NTN4: variants seen among roughly 807,000 people sequenced by gnomAD.
The protein encoded by NTN4 is netrin 4.
NTN4 carries 32 observed loss-of-function variants against 73.6 expected under a neutral mutation model. The observed-to-expected ratio is 0.44, with a 90% confidence interval of 0.33 to 0.58. The LOEUF is 0.58. Among genes scored for constraint, NTN4 ranks in the 20% least tolerant of loss-of-function variants. The pLI, the probability that NTN4 is intolerant of heterozygous loss-of-function variation, is 0.04. For missense variants in NTN4, 654 were observed against 798.3 expected (o/e 0.82, Z 2.18); for synonymous variants, 258 against 287.5 (o/e 0.90, Z 1.04).
intron 2 of NTN4, among the ~76,000 whole-genome samples, chr12:95,772,466 C>A (rs2079064480): frequency 6.6e-6 from 1 of 152,138 alleles, no homozygotes; most frequent in African/African-American, 2.4e-5. Flanking sequence ...CAATCTCATC[C>A]AGCTTCATAG....
At chr12:95,748,263 A>AG (rs1380122887) in intron 2 of NTN4, among the ~76,000 whole-genome samples, 1 of 151,232 alleles carries the variant, frequency 6.6e-6, no homozygotes, top group East Asian at 1.9e-4. Flanking sequence ...AGAAAAGAAA[A>AG]AATAGATTTA....
intron 9 of NTN4, 36 bp downstream of exon 9, chr12:95,665,774 A>C: frequency 6.6e-7 from 1 of 1,526,322 alleles, no homozygotes; most frequent in African/African-American, 1.4e-5. Flanking sequence ...CAGCAGAGAC[A>C]AGGTAGGTAC....
intron 3 of NTN4, among the ~76,000 whole-genome samples, chr12:95,721,730 G>A (rs143446317): frequency 5.3e-5 from 8 of 152,274 alleles, no homozygotes; most frequent in Non-Finnish European, 1.0e-4. Context: ...GTGCATAACC[G>A]AATGATTTAG....
chr12:95,733,650 TTAA>T (rs2078754392), intron 3 of NTN4, among the ~76,000 whole-genome samples: 1 of 152,166 alleles, frequency 6.6e-6, no homozygotes, highest in Admixed American at 6.5e-5. Context: ...TACCAGGGTC[TTAA>T]TCATCACACA....
intron 2 of NTN4, 129 bp from the exon 3 acceptor site, chr12:95,738,273 T>C: frequency 2.2e-6 from 2 of 890,618 alleles, no homozygotes; most frequent in East Asian, 5.0e-5. Context: ...AAGAAGTTTT[T>C]AGACCTTGAG....
intron 2 of NTN4, among the ~76,000 whole-genome samples, chr12:95,750,189 C>A (rs2078895353): frequency 7.3e-6 from 1 of 137,736 alleles, no homozygotes. Flanking sequence ...TGCCCCAACC[C>A]CTTATTTCTG....
rs2078106497 is a variant in NTN4, at chr12:95,658,180, A to T, written c.*906T>A. ...AATTCTGTGTCTACAATAATTTTTG[A>T]AGTGTATACAAGTGCATTGCAAATG... On this transcript the variant is annotated 3_prime_UTR_variant, in exon 10 of 10. Transcript: ENST00000343702. 6.6e-6 allele frequency: 1 copy of T among 152,348 alleles called. No homozygotes were observed. The highest frequency in any genetic ancestry group is 2.1e-4 in the South Asian group (1 of 4,832). 9.4% of individuals were successfully genotyped at this position (152,348 alleles called of 1,614,324 possible). A position where few individuals can be genotyped will look rare whatever the true frequency, so the allele number is the denominator to read the frequency against.
In NTN4 at chr12:95,781,252, T is replaced by G. The variant is rs2079131157; in HGVS notation, c.585+5687A>C. Among the ~76,000 whole-genome samples, 5 of 152,262 alleles carry G rather than the reference T, an allele frequency of 3.3e-5. No individual in the cohort carries two copies. The South Asian group carries it at 1.0e-3, about 32-fold the overall frequency. On this transcript the variant is annotated intron_variant, in intron 2 of 9. Transcript: ENST00000343702. This position sits in a 1 kb window ranked among gnomAD's most constrained non-coding sequence, Gnocchi z 4.1. ...CACCAGCATGGCACATGTATACATA[T>G]GTAACAAACCTGCACGTTGTGCACA... is the stretch of plus-strand genomic sequence containing the variant.
chr12:95,729,628 A>AGTGT (rs1555218211), intron 3 of NTN4, among the ~76,000 whole-genome samples: 1 of 102,192 alleles, frequency 9.8e-6, no homozygotes, highest in Non-Finnish European at 2.1e-5. Flanking sequence ...AGAGAGAGAG[A>AGTGT]GAGAGTGTGT....
At chr12:95,717,280 A>C (rs920698998) in intron 3 of NTN4, among the ~76,000 whole-genome samples, 1 of 152,180 alleles carries the variant, frequency 6.6e-6, no homozygotes, top group Admixed American at 6.5e-5. Flanking sequence ...ACATGGGTTC[A>C]TCCTGCCACA....
chr12:95,662,174 C>G (rs979735249), intron 9 of NTN4, among the ~76,000 whole-genome samples: 5 of 151,594 alleles, frequency 3.3e-5, no homozygotes, highest in Non-Finnish European at 7.4e-5. Flanking sequence ...AAAAATTTCC[C>G]CTAAACGTCT....
At chr12:95,719,595 T>A (rs901069477) in intron 3 of NTN4, among the ~76,000 whole-genome samples, 2 of 152,248 alleles carry the variant, frequency 1.3e-5, no homozygotes, top group African/African-American at 4.8e-5. Context: ...TGGGCTAGCC[T>A]GTTAGAACCT....
At chr12:95,735,396 T>A (rs1394808849) in intron 3 of NTN4, among the ~76,000 whole-genome samples, 1 of 152,142 alleles carries the variant, frequency 6.6e-6, no homozygotes, top group African/African-American at 2.4e-5. Flanking sequence ...TTCAAACACA[T>A]GCTTAGTAAT....
intron 2 of NTN4, 44 bp downstream of exon 2, chr12:95,786,895 T>C (rs1718555885): frequency 1.3e-6 from 2 of 1,529,538 alleles, no homozygotes; most frequent in African/African-American, 2.8e-5. Flanking sequence ...CTGGTAACAT[T>C]TTTCTATCTT....
Position 95,787,081 on chromosome 12 carries a change from T to G in NTN4, c.443A>C (p.Gln148Pro). 1 of 1,614,224 alleles carries G rather than the reference T, an allele frequency of 6.2e-7. No individual in the cohort carries two copies. The highest frequency in any genetic ancestry group is 1.1e-5 in the South Asian group (1 of 91,086). Reference sequence around the variant, plus strand: ...AGGCTTCCATGTTTTCCCAAAGTCCTGGGAGCGGTCCAGCACCATGGCAGC... The same window carrying G: ...AGGCTTCCATGTTTTCCCAAAGTCCGGGGAGCGGTCCAGCACCATGGCAGC... Reference protein sequence around the residue: ...RPAAMVLDRSQDFGKTWKPYK... With the variant: ...RPAAMVLDRSPDFGKTWKPYK... The change falls in exon 2 of 10, where the codon CAG becomes CCG. Residue 148 changes from glutamine to proline, a missense_variant. Transcript: ENST00000343702.
intron 5 of NTN4, among the ~76,000 whole-genome samples, chr12:95,702,817 C>A (rs2078494774): frequency 6.8e-6 from 1 of 147,744 alleles, no homozygotes; most frequent in Admixed American, 6.8e-5. Flanking sequence ...AAATTTATCT[C>A]AACTGTTGCT....
chr12:95,695,726 C>CA (rs1265391993), intron 5 of NTN4, among the ~76,000 whole-genome samples: 2 of 152,170 alleles, frequency 1.3e-5, no homozygotes, highest in African/African-American at 4.8e-5. Context: ...TCATTCCTTT[C>CA]ATGTTTACTA....
At chr12:95,748,000 G>A (rs150198783) in intron 2 of NTN4, among the ~76,000 whole-genome samples, 2,603 of 151,990 alleles carry the variant, frequency 0.017, 52 homozygotes, top group South Asian at 0.12. Flanking sequence ...GGGAGGCTGA[G>A]GCGGGTGGAT....
At chr12:95,676,702 TA>T (rs202069385) in intron 7 of NTN4, among the ~76,000 whole-genome samples, 43 of 141,480 alleles carry the variant, frequency 3.0e-4, no homozygotes, top group Middle Eastern at 3.6e-3. Flanking sequence ...AGAGAAAACA[TA>T]AAAAAAAAAT....
Sources: allele counts gnomAD v4.1 joint callset (sites outside exome capture counted in the v4.1 genomes callset), GRCh38; gene constraint gnomAD v4.1.1; non-coding constraint Gnocchi (gnomAD v3.1); transcripts MANE v1.5; gene names NCBI Gene and HGNC (gene_info 2026-07-23, HGNC 2026-07-21).